TMEM217B: variants seen among roughly 807,000 people sequenced by gnomAD.
TMEM217B encodes the protein transmembrane protein 217B.
the TMEM217B span, among the ~76,000 whole-genome samples, chr6:37,233,031 C>G: frequency 6.6e-6 from 1 of 152,208 alleles, no homozygotes; most frequent in Non-Finnish European, 1.5e-5. Flanking sequence ...GTCCACTACA[C>G]TGGTGACTCC....
At chr6:37,228,686 A>C in the TMEM217B span, among the ~76,000 whole-genome samples, 8 of 152,194 alleles carry the variant, frequency 5.3e-5, no homozygotes, top group African/African-American at 1.9e-4. Context: ...CTTGGGCGAC[A>C]GAGCAAGATT....
chr6:37,252,617 GTATATA>G, the TMEM217B span, among the ~76,000 whole-genome samples: 1 of 112,310 alleles, frequency 8.9e-6, no homozygotes, highest in African/African-American at 3.2e-5. Context: ...GTATGTGTGT[GTATATA>G]TATATATATA....
At chr6:37,246,167 C>G in the TMEM217B span, among the ~76,000 whole-genome samples, 10 of 152,270 alleles carry the variant, frequency 6.6e-5, no homozygotes, top group Admixed American at 2.0e-4. Context: ...CTTTTCTCTT[C>G]TACTTCTCCT....
At chr6:37,229,366 A>G in the TMEM217B span, among the ~76,000 whole-genome samples, 1 of 40,034 alleles carries the variant, frequency 2.5e-5, no homozygotes, top group African/African-American at 9.4e-5. Flanking sequence ...TTTTTGAGAC[A>G]GTGTCTCGCT....
chr6:37,252,639 T>TATATA, the TMEM217B span, among the ~76,000 whole-genome samples: 68 of 43,142 alleles, frequency 1.6e-3, no homozygotes, highest in Non-Finnish European at 2.3e-3. Flanking sequence ...ATATATATAT[T>TATATA]TTTTTTTTTT....
At chr6:37,223,990 G>C in the TMEM217B span, among the ~76,000 whole-genome samples, 1 of 147,448 alleles carries the variant, frequency 6.8e-6, no homozygotes, top group Non-Finnish European at 1.5e-5. Context: ...AGGCTGGAAT[G>C]CAGTGGCACG....
the TMEM217B span, among the ~76,000 whole-genome samples, chr6:37,235,284 G>A: frequency 6.6e-6 from 1 of 152,132 alleles, no homozygotes; most frequent in Non-Finnish European, 1.5e-5. Context: ...TTAAATTAAA[G>A]ATATCTGTCT....
chr6:37,213,142 G>T, the TMEM217B span: 1 of 631,800 alleles, frequency 1.6e-6, no homozygotes. Flanking sequence ...GGGACATGGG[G>T]TCTGGCCCGT....
At chr6:37,247,651 G>T in the TMEM217B span, among the ~76,000 whole-genome samples, 1 of 152,122 alleles carries the variant, frequency 6.6e-6, no homozygotes, top group Non-Finnish European at 1.5e-5. Context: ...CTCCCAAAGT[G>T]CTGGGATTAC....
At chr6:37,253,721 A>G in the TMEM217B span, among the ~76,000 whole-genome samples, 3 of 152,156 alleles carry the variant, frequency 2.0e-5, no homozygotes, top group African/African-American at 7.2e-5. Flanking sequence ...AAAGTCTGCC[A>G]GGGATCTCTC....
the TMEM217B span, among the ~76,000 whole-genome samples, chr6:37,216,222 G>A: frequency 6.6e-6 from 1 of 151,988 alleles, no homozygotes; most frequent in South Asian, 2.1e-4. Flanking sequence ...GGGATTACAG[G>A]TGCCTGCCAC....
chr6:37,217,411 CAAT>C, the TMEM217B span, among the ~76,000 whole-genome samples: 1 of 152,168 alleles, frequency 6.6e-6, no homozygotes, highest in African/African-American at 2.4e-5. Flanking sequence ...GATTCATAAA[CAAT>C]AATTTACTTT....
chr6:37,227,871 A>G, the TMEM217B span, among the ~76,000 whole-genome samples: 1 of 152,110 alleles, frequency 6.6e-6, no homozygotes, highest in East Asian at 1.9e-4. Flanking sequence ...TACTTTGTAT[A>G]TATCTTGAGA....
chr6:37,230,680 G>A, the TMEM217B span, among the ~76,000 whole-genome samples: 1 of 152,076 alleles, frequency 6.6e-6, no homozygotes, highest in Admixed American at 6.5e-5. Flanking sequence ...CAGAATTCAA[G>A]AACTGTGAGA....
chr6:37,237,975 A>G, the TMEM217B span, among the ~76,000 whole-genome samples: 1 of 152,202 alleles, frequency 6.6e-6, no homozygotes, highest in African/African-American at 2.4e-5. Context: ...CCATACAGCC[A>G]GATGCAAATT....
At chr6:37,218,676 A>AG in the TMEM217B span, 1 of 1,614,214 alleles carries the variant, frequency 6.2e-7, no homozygotes, top group Non-Finnish European at 8.5e-7. Flanking sequence ...TTAATGTCAA[A>AG]GTCATTGTTG....
At chr6:37,248,827 A>G in the TMEM217B span, among the ~76,000 whole-genome samples, 1 of 152,232 alleles carries the variant, frequency 6.6e-6, no homozygotes, top group African/African-American at 2.4e-5. Flanking sequence ...GCAACAAATA[A>G]CAACAAACAT....
chr6:37,218,420 A>G, the TMEM217B span: 1 of 1,589,260 alleles, frequency 6.3e-7, no homozygotes, highest in Admixed American at 1.7e-5. Flanking sequence ...CAGGCGATCC[A>G]CCTACCTCTG....
the TMEM217B span, among the ~76,000 whole-genome samples, chr6:37,256,828 C>T: frequency 6.6e-6 from 1 of 152,100 alleles, no homozygotes; most frequent in African/African-American, 2.4e-5. Context: ...GCCCGCCTTC[C>T]CTCTTTCCCC....
Sources: allele counts gnomAD v4.1 joint callset (sites outside exome capture counted in the v4.1 genomes callset), GRCh38; gene constraint gnomAD v4.1.1; transcripts MANE v1.5; gene names NCBI Gene and HGNC (gene_info 2026-07-23, HGNC 2026-07-21).